The following DIAPH2 variants were observed in gnomAD, a reference collection of about 807,000 sequenced individuals.
DIAPH2 encodes diaphanous related formin 2, also known as protein diaphanous homolog 2.
A neutral mutation model predicts 92.7 loss-of-function variants in DIAPH2; 35 were observed. The observed-to-expected ratio is 0.38, with a 90% CI of 0.29 to 0.50. DIAPH2 has a LOEUF of 0.50. Ranked by LOEUF, DIAPH2 falls within the 20% of genes least tolerant of loss-of-function variation. The pLI, the probability that DIAPH2 is intolerant of heterozygous loss-of-function variation, is 0.94. For synonymous variants in DIAPH2, 301 were observed against 280.4 expected (o/e 1.07, Z -0.73); for missense variants, 701 against 819.5 (o/e 0.86, Z 1.77).
intron 17 of DIAPH2, among the ~76,000 whole-genome samples, chrX:96,977,288 TAGA>T (rs2065968217): frequency 2.7e-5 from 3 of 112,141 alleles, no homozygotes; most frequent in Non-Finnish European, 5.6e-5. Flanking sequence ...TTCTATAATT[TAGA>T]TTTTTTTAGG....
intron 17 of DIAPH2, among the ~76,000 whole-genome samples, chrX:97,040,593 G>T (rs757308014): frequency 1.3e-3 from 148 of 110,753 alleles, no homozygotes; most frequent in African/African-American, 4.7e-3. Context: ...GCACTGCTAT[G>T]TTTTAGAAAT....
intron 4 of DIAPH2, among the ~76,000 whole-genome samples, chrX:96,824,222 G>T (rs1399475167): frequency 1.8e-5 from 2 of 110,520 alleles, no homozygotes; most frequent in South Asian, 3.8e-4. Context: ...CTTTTAATGG[G>T]CTGGGAAGCT....
chrX:96,893,365 G>A (rs771254199), intron 5 of DIAPH2, among the ~76,000 whole-genome samples: 9 of 111,148 alleles, frequency 8.1e-5, no homozygotes, highest in Non-Finnish European at 1.5e-4. Context: ...CTGTCTCTCA[G>A]TAAAAGTCTC....
intron 23 of DIAPH2, among the ~76,000 whole-genome samples, chrX:97,339,149 A>T (rs1223466930): frequency 9.0e-6 from 1 of 111,124 alleles, no homozygotes; most frequent in African/African-American, 3.3e-5. Flanking sequence ...GCTTTAAGAG[A>T]ATTCTATATA....
At chrX:97,558,305 T>TCTTCAA (rs2071270943) in intron 26 of DIAPH2, among the ~76,000 whole-genome samples, 1 of 111,934 alleles carries the variant, frequency 8.9e-6, no homozygotes, top group Admixed American at 9.5e-5. Flanking sequence ...ATATTTAGCT[T>TCTTCAA]GCGAACTTTG....
At chrX:97,369,219 T>G (rs2069417943) in intron 24 of DIAPH2, among the ~76,000 whole-genome samples, 1 of 111,864 alleles carries the variant, frequency 8.9e-6, no homozygotes, top group African/African-American at 3.2e-5. Flanking sequence ...GAATCTACCT[T>G]TCAGAGGCTG....
rs753657742 is a variant in DIAPH2, at chrX:97,512,276, G to T, written c.3241+82531G>T. Among the ~76,000 whole-genome samples the T allele has an allele frequency of 3.2e-4, 36 of 113,458 alleles. No homozygotes were observed. In the East Asian group the frequency reaches 9.8e-3, roughly 31 times the overall value. ...TCAAGGAATTTATCCATTTCTTCAAGATTTTCTAGTTTATTTGCGTAGAGG... is the reference window on the plus strand; with the variant it reads ...TCAAGGAATTTATCCATTTCTTCAATATTTTCTAGTTTATTTGCGTAGAGG... On this transcript the variant is annotated intron_variant, in intron 26 of 26. Coordinates refer to ENST00000324765, the MANE Select transcript of DIAPH2 (RefSeq NM_006729.5).
intron 17 of DIAPH2, among the ~76,000 whole-genome samples, chrX:96,997,452 A>G (rs2066112432): frequency 9.0e-6 from 1 of 111,460 alleles, no homozygotes; most frequent in Non-Finnish European, 1.9e-5. Context: ...GCTCCGTGGT[A>G]AAAATGACCT....
chrX:97,191,579 T>G (rs2067654204), intron 22 of DIAPH2, among the ~76,000 whole-genome samples: 1 of 111,526 alleles, frequency 9.0e-6, no homozygotes, highest in Admixed American at 9.5e-5. Context: ...AAAGTATATC[T>G]ATATTTCTAT....
At chrX:97,195,304 C>G (rs780431733) in intron 22 of DIAPH2, among the ~76,000 whole-genome samples, 21 of 111,494 alleles carry the variant, frequency 1.9e-4, no homozygotes, top group African/African-American at 6.8e-4. Context: ...AGCATTGTCC[C>G]TTGAAGTATA....
Position 96,738,771 on chromosome X carries a change from T to C in DIAPH2, c.342+9T>C. 3 of 1,181,783 alleles carry C rather than the reference T, an allele frequency of 2.5e-6. No individual in the cohort carries two copies. The highest frequency in any genetic ancestry group is 3.4e-6 in the Non-Finnish European group (3 of 873,909). On this transcript the variant is annotated intron_variant, in intron 3 of 26. Transcript: ENST00000324765. ...TCTTTGAAAAAATGATGGTAAGTTA[T>C]ACCCCTAATTTTGATGTAATTTTAA...
chrX:97,499,561 T>C (rs780908890), intron 26 of DIAPH2, among the ~76,000 whole-genome samples: 1 of 111,668 alleles, frequency 9.0e-6, no homozygotes, highest in East Asian at 2.8e-4. Context: ...GAACTAAAAA[T>C]AGACCTACCA....
At chrX:97,436,052 T>A (rs554099852) in intron 26 of DIAPH2, among the ~76,000 whole-genome samples, 4 of 110,987 alleles carry the variant, frequency 3.6e-5, no homozygotes, top group Non-Finnish European at 7.6e-5. Flanking sequence ...TGATCCACCC[T>A]CCTTGGCCTC....
chrX:97,562,456 A>G (rs1210419992), intron 26 of DIAPH2, among the ~76,000 whole-genome samples: 4 of 110,191 alleles, frequency 3.6e-5, no homozygotes, highest in African/African-American at 1.3e-4. Context: ...CAGTGAACCG[A>G]GATCGCGCCA....
At chrX:97,429,243 A>G (rs758071944) in intron 25 of DIAPH2, among the ~76,000 whole-genome samples, 13 of 112,247 alleles carry the variant, frequency 1.2e-4, no homozygotes, top group African/African-American at 2.3e-4. Flanking sequence ...TACAATCAGT[A>G]TTTAACCTTG....
chrX:96,860,707 T>C (rs1482933396), intron 4 of DIAPH2, among the ~76,000 whole-genome samples: 1 of 111,776 alleles, frequency 8.9e-6, no homozygotes, highest in African/African-American at 3.3e-5. Context: ...AGGGCAATGC[T>C]TAATTATGAG....
rs1030011160 is a variant in DIAPH2 at position 97,420,458 on chromosome X, T to G, written c.3146-9192T>G. ...TATTTATTCCATGGCAAAATGTACC[T>G]AAAACATTAATTTTAAAAGTATTTA... On this transcript the variant is annotated intron_variant, in intron 25 of 26. Transcript: ENST00000324765. Among the ~76,000 whole-genome samples, 3 of 111,701 alleles carry G rather than the reference T, an allele frequency of 2.7e-5. No individual in the cohort carries two copies. In the Admixed American group the frequency reaches 2.9e-4, roughly 11 times the overall value.
intron 23 of DIAPH2, among the ~76,000 whole-genome samples, chrX:97,249,674 A>G (rs1449362562): frequency 1.8e-5 from 2 of 111,968 alleles, no homozygotes; most frequent in East Asian, 5.6e-4. Context: ...CTAGAAAGAG[A>G]CGAACGAAAT....
chrX:96,729,877 C>T (rs746436517), intron 1 of DIAPH2, among the ~76,000 whole-genome samples: 11 of 112,138 alleles, frequency 9.8e-5, no homozygotes, highest in African/African-American at 3.2e-4. Flanking sequence ...TATTGCTCTA[C>T]TAAAATGATG....
Sources: gnomAD v4.1 joint callset for allele counts (sites outside exome capture counted in the v4.1 genomes callset) on GRCh38, gnomAD v4.1.1 for gene constraint, MANE v1.5 for transcripts, NCBI Gene and HGNC (gene_info 2026-07-23, HGNC 2026-07-21) for gene names.